The following CDH19 variants were observed in gnomAD, a reference collection of about 807,000 sequenced individuals.
The protein encoded by CDH19 is cadherin 19.
Under a neutral mutation model 64.2 loss-of-function variants are expected in CDH19, and 67 were observed. The observed-to-expected ratio is 1.04, with a 90% CI of 0.86 to 1.28. CDH19 has a LOEUF of 1.28. Ranked by LOEUF, CDH19 falls within the 50% of genes most tolerant of loss-of-function variation. The pLI, the probability that CDH19 is intolerant of heterozygous loss-of-function variation, is 0.00. For missense variants in CDH19, 1,030 were observed against 929.0 expected (o/e 1.11, Z -1.41); for synonymous variants, 346 against 319.3 (o/e 1.08, Z -0.89).
chr18:66,519,506 T>A (rs539054170), intron 9 of CDH19, among the ~76,000 whole-genome samples: 1 of 152,294 alleles, frequency 6.6e-6, no homozygotes, highest in Non-Finnish European at 1.5e-5. Context: ...CACTGTGTAA[T>A]CTTTTTGTTA....
intron 11 of CDH19, 71 bp from the exon 12 acceptor site, chr18:66,505,373 C>A: frequency 8.4e-7 from 1 of 1,195,156 alleles, no homozygotes; most frequent in Non-Finnish European, 1.1e-6. Flanking sequence ...TCTTTGCTCT[C>A]ATTTCAAGCT....
chr18:66,557,933 C>T (rs149244676), intron 3 of CDH19, among the ~76,000 whole-genome samples: 3,131 of 151,862 alleles, frequency 0.021, 50 homozygotes, highest in Non-Finnish European at 0.033. Flanking sequence ...ATAATCTTAT[C>T]TCTGATTCTC....
chr18:66,541,341 C>A (rs1329379321), intron 7 of CDH19, among the ~76,000 whole-genome samples: 2 of 146,732 alleles, frequency 1.4e-5, no homozygotes, highest in Non-Finnish European at 3.0e-5. Context: ...AATACAATAT[C>A]CTAATATTTT....
chr18:66,505,254 A>G lies in CDH19; in HGVS notation c.1877T>C (p.Leu626Pro). 2 of 1,595,180 alleles carry G rather than the reference A, an allele frequency of 1.3e-6. No homozygotes were observed. The highest frequency in any genetic ancestry group is 2.3e-5 in the South Asian group (2 of 87,802). ...GAAATCTTCACTTTTCTCAGGAAAT[A>G]GAATCTGTTTTCTCCGTTGTTTTAA... ...LGLKQRRKQILFPEKSEDFRE... is the reference protein window; with the variant it reads ...LGLKQRRKQIPFPEKSEDFRE... The change falls in exon 12 of 12, where the codon CTA becomes CCA. Residue 626 changes from leucine to proline, a missense_variant. By Grantham distance (98) the Leu-to-Pro change is moderately conservative. Coordinates refer to ENST00000262150, the MANE Select transcript of CDH19 (RefSeq NM_021153.4).
chr18:66,528,848 T>C (rs1986324488), intron 9 of CDH19, among the ~76,000 whole-genome samples: 2 of 151,998 alleles, frequency 1.3e-5, no homozygotes. Context: ...ACTAGCTTTG[T>C]TGATAAATTC....
At chr18:66,511,918 T>C (rs1393798536) in intron 9 of CDH19, among the ~76,000 whole-genome samples, 1 of 151,654 alleles carries the variant, frequency 6.6e-6, no homozygotes, top group African/African-American at 2.4e-5. Context: ...AAACTCTTGT[T>C]GATGGATCAG....
Position 66,507,730 on chromosome 18 carries a change from C to T in CDH19, c.1828+1265G>A, listed in dbSNP as rs1985272051. Among the ~76,000 whole-genome samples the T allele has an allele frequency of 2.6e-5, 4 of 151,774 alleles. No individual in the cohort carries two copies. The South Asian group carries it at 8.3e-4, about 31-fold the overall frequency. ...AAAAAAGACGTTCTCTTATACATTC[C>T]TCATTTCTAACATTTACTGTCCTTT... On this transcript the variant is annotated intron_variant, in intron 11 of 11. Transcript: ENST00000262150.
At position 66,581,143 on chromosome 18, in the gene CDH19, T is replaced by C. The variant is rs1248810525; in HGVS notation, c.-112-8827A>G. On this transcript the variant is annotated intron_variant, in intron 1 of 11. Transcript: ENST00000262150. The stretch of plus-strand genomic sequence containing the variant: ...GAAGAAATGCTAATACTATGTCTTA[T>C]GTTAGTGTGTTTTTATATTTTCTCT... Among the ~76,000 whole-genome samples, 5 of 152,150 alleles carry C rather than the reference T, an allele frequency of 3.3e-5. No homozygotes were observed. The South Asian group carries it at 8.3e-4, about 25-fold the overall frequency.
In CDH19 at chr18:66,535,083, C is replaced by T. The variant is rs1277498948; in HGVS notation, c.1239G>A (p.Val413=). 2.7e-6 allele frequency: 4 copies of T among 1,491,232 alleles called. No homozygotes were observed. The highest frequency in any genetic ancestry group is 1.4e-5 in the African/African-American group (1 of 72,214). The allele number at this position is 1,491,232 out of a possible 1,614,324, so 92.4% of individuals were successfully genotyped here. A position where few individuals can be genotyped will look rare whatever the true frequency, so the allele number is the denominator to read the frequency against. Residue 413 remains valine (V), a synonymous_variant, in exon 8 of 12, where the codon GTG becomes GTA. Transcript: ENST00000262150. Reference sequence around the variant, plus strand: ...TTGTACCATTATCATTGATATTGAACACTTTGCTCCTAGTAATAGAATACC... The same window carrying T: ...TTGTACCATTATCATTGATATTGAATACTTTGCTCCTAGTAATAGAATACC... ...PIRYSITRSK[V]FNINDNGTIT... is the part of the protein sequence containing the mutation.
chr18:66,525,443 A>G (rs1986184533), intron 9 of CDH19, among the ~76,000 whole-genome samples: 1 of 152,058 alleles, frequency 6.6e-6, no homozygotes, highest in Non-Finnish European at 1.5e-5. Context: ...GCACTTTAAA[A>G]AGTTTTTAGT....
At chr18:66,585,424 CA>C (rs1022360593) in intron 1 of CDH19, among the ~76,000 whole-genome samples, 2 of 151,930 alleles carry the variant, frequency 1.3e-5, no homozygotes, top group Admixed American at 1.3e-4. Context: ...AACTCAACAC[CA>C]ACACTTGCTA....
In CDH19 at chr18:66,505,010, A is replaced by T; in HGVS notation, c.2121T>A (p.Asn707Lys). The T allele has an allele frequency of 1.2e-6, 2 of 1,613,636 alleles. No homozygotes were observed. Among genetic ancestry groups the T allele is most frequent in the South Asian group, 1.1e-5 (1 of 91,084 alleles). The change falls in exon 12 of 12, where the codon AAT becomes AAA. Residue 707 changes from asparagine to lysine, a missense_variant. Physicochemically the swap from Asn to Lys is moderately conservative, Grantham distance 94. Transcript: ENST00000262150. ...KFILEKLEEA[N>K]TDPCAPPFDS... ...CAAAAGGAGGGGCACACGGATCAGT[A>T]TTAGCTTCTTCGAGCTTTTCCAGAA...
intron 5 of CDH19, among the ~76,000 whole-genome samples, chr18:66,546,400 G>A (rs1476152445): frequency 6.6e-6 from 1 of 152,130 alleles, no homozygotes; most frequent in African/African-American, 2.4e-5. Flanking sequence ...CAATTACATT[G>A]CCATGAACGT....
At chr18:66,569,361 C>T (rs1487351796) in intron 2 of CDH19, among the ~76,000 whole-genome samples, 1 of 151,438 alleles carries the variant, frequency 6.6e-6, no homozygotes, top group Non-Finnish European at 1.5e-5. Context: ...AAACTTTTTT[C>T]AGAGTCATAT....
chr18:66,524,136 C>T lies in CDH19; in HGVS notation c.1458+5709G>A, dbSNP rs568562095. 1.8e-3 allele frequency among the ~76,000 whole-genome samples: 275 copies of T among 152,052 alleles called. 2 individuals are homozygous for T. Among genetic ancestry groups the T allele is most frequent in the Non-Finnish European group, 3.2e-3 (218 of 67,948 alleles). On this transcript the variant is annotated intron_variant, in intron 9 of 11. Coordinates refer to ENST00000262150, the MANE Select transcript of CDH19 (RefSeq NM_021153.4). ...ATCTATTTTTCTAAACATTCTTTGT[C>T]CTTTTTATAATTCCTTTTGTGATGT...
rs35376051 is a variant in CDH19 at position 66,533,213 on chromosome 18, T to TACACAC, written c.1336+1767_1336+1772dup. On this transcript the variant is annotated intron_variant, in intron 8 of 11. Coordinates refer to ENST00000262150, the MANE Select transcript of CDH19 (RefSeq NM_021153.4). ...AAAAATTAAAATTTCTAGGATTTAT[T>TACACAC]ACACACACACACACACACACACACA... Among the ~76,000 whole-genome samples, 1,346 of 149,048 alleles carry TACACAC rather than the reference T, an allele frequency of 9.0e-3. 7 individuals carry two copies. The highest frequency in any genetic ancestry group is 0.014 in the African/African-American group (571 of 40,644).
intron 9 of CDH19, among the ~76,000 whole-genome samples, chr18:66,522,792 TAAAA>T (rs1249182558): frequency 6.6e-6 from 1 of 151,660 alleles, no homozygotes; most frequent in Non-Finnish European, 1.5e-5. Context: ...ATTTTGGCCT[TAAAA>T]AAATTATTTA....
intron 3 of CDH19, among the ~76,000 whole-genome samples, chr18:66,561,374 T>C (rs1449297245): frequency 6.6e-6 from 1 of 151,994 alleles, no homozygotes. Flanking sequence ...ACAGTGACAA[T>C]ATAAAGTGGC....
At chr18:66,506,580 TATTA>T (rs1985209599) in intron 11 of CDH19, among the ~76,000 whole-genome samples, 1 of 152,032 alleles carries the variant, frequency 6.6e-6, no homozygotes. Flanking sequence ...TGTCTAGAAT[TATTA>T]TTTATTACAT....
Sources: allele counts gnomAD v4.1 joint callset (sites outside exome capture counted in the v4.1 genomes callset), GRCh38; gene constraint gnomAD v4.1.1; transcripts MANE v1.5; gene names NCBI Gene and HGNC (gene_info 2026-07-23, HGNC 2026-07-21).